RAB2A: variants seen among roughly 807,000 people sequenced by gnomAD.
RAB2A encodes the protein ras-related protein Rab-2A.
In RAB2A, 7 loss-of-function variants were observed where a neutral mutation model predicts 32.5. The ratio of observed to expected loss-of-function variants is 0.22; its 90% confidence interval spans 0.12 to 0.40. The LOEUF is 0.40. Ranked by LOEUF, RAB2A falls within the 10% of genes least tolerant of loss-of-function variation. RAB2A has a pLI of 1.00. For missense variants in RAB2A, 108 were observed against 260.7 expected, an observed-to-expected ratio of 0.41 and a Z score of 4.03; for synonymous variants, 79 against 85.2, an observed-to-expected ratio of 0.93 and a Z score of 0.40.
In RAB2A at chr8:60,621,563, C is replaced by T. The variant is rs1804527001; in HGVS notation, c.*794C>T. ...TAATGAATACTGTTGGGAAAAAACA[C>T]AGTATAATGAGTGAAAAGGGCAGAA... On this transcript the variant is annotated 3_prime_UTR_variant, in exon 8 of 8. Coordinates refer to ENST00000262646, the MANE Select transcript of RAB2A (RefSeq NM_002865.3). 6.6e-6 allele frequency: 1 copy of T among 152,110 alleles called. No homozygotes were observed. The highest frequency in any genetic ancestry group is 6.5e-5 in the Admixed American group (1 of 15,278). 9.4% of individuals were successfully genotyped at this position (152,110 alleles called of 1,614,324 possible).
intron 6 of RAB2A, among the ~76,000 whole-genome samples, chr8:60,618,202 G>A (rs1032675040): frequency 8.5e-5 from 13 of 152,174 alleles, no homozygotes; most frequent in Admixed American, 2.0e-4. Context: ...TACATCCTTT[G>A]TTCTTAATCT....
intron 1 of RAB2A, among the ~76,000 whole-genome samples, chr8:60,519,539 A>G (rs1807269079): frequency 6.6e-6 from 1 of 152,228 alleles, no homozygotes; most frequent in Non-Finnish European, 1.5e-5. Context: ...AGATTTTCAC[A>G]GTATCCTGGC....
intron 3 of RAB2A, among the ~76,000 whole-genome samples, chr8:60,579,905 G>A (rs1429002860): frequency 1.3e-5 from 2 of 152,026 alleles, no homozygotes; most frequent in Non-Finnish European, 2.9e-5. Flanking sequence ...GGGATTACAG[G>A]CGTGAGCCAC....
chr8:60,537,673 CTG>C (rs1324312593), intron 1 of RAB2A, among the ~76,000 whole-genome samples: 1 of 152,102 alleles, frequency 6.6e-6, no homozygotes, highest in Non-Finnish European at 1.5e-5. Flanking sequence ...GTATTTATAA[CTG>C]TTTTCTTTTT....
chr8:60,600,811 A>G (rs1465548425), intron 6 of RAB2A, among the ~76,000 whole-genome samples: 1 of 152,228 alleles, frequency 6.6e-6, no homozygotes, highest in African/African-American at 2.4e-5. Flanking sequence ...GAATCAAGCC[A>G]TTCTCAAAAG....
At chr8:60,620,604 T>G in intron 7 of RAB2A, 70 bp from the exon 8 acceptor site, 1 of 1,114,044 alleles carries the variant, frequency 9.0e-7, no homozygotes, top group Non-Finnish European at 1.3e-6. Context: ...AAGAATTAAA[T>G]GAGTTTTTTA....
intron 1 of RAB2A, among the ~76,000 whole-genome samples, chr8:60,529,356 G>A (rs2130809311): frequency 6.6e-6 from 1 of 152,156 alleles, no homozygotes; most frequent in African/African-American, 2.4e-5. Context: ...ATAGTCTTTT[G>A]TCTACTTCTT....
intron 1 of RAB2A, among the ~76,000 whole-genome samples, chr8:60,518,725 G>A (rs987369201): frequency 4.0e-5 from 6 of 151,744 alleles, no homozygotes; most frequent in Admixed American, 6.6e-5. Flanking sequence ...GTGGAAATTG[G>A]ATTTGTAAAC....
chr8:60,582,930 G>A (rs1450503797), intron 3 of RAB2A, among the ~76,000 whole-genome samples: 1 of 152,012 alleles, frequency 6.6e-6, no homozygotes, highest in Admixed American at 6.6e-5. Flanking sequence ...TTGCATGCGT[G>A]AGCCACCATG....
rs41272425 is a variant in RAB2A, at chr8:60,618,732, A to T, written c.543+84A>T. 2,258 of 473,092 alleles carry T rather than the reference A, an allele frequency of 4.8e-3. 9 individuals are homozygous for T. Among genetic ancestry groups the T allele is most frequent in the Non-Finnish European group, 5.8e-3 (1,961 of 336,916 alleles). 29.3% of individuals were successfully genotyped at this position (473,092 alleles called of 1,614,324 possible). On this transcript the variant is annotated intron_variant, in intron 7 of 7. Coordinates refer to ENST00000262646, the MANE Select transcript of RAB2A (RefSeq NM_002865.3). ...TTTTATATTTTTTATTTTATAATTC[A>T]TTATTTTATAATTTTTTTAATTCCT...
At chr8:60,599,095 A>G (rs1022288382) in intron 6 of RAB2A, among the ~76,000 whole-genome samples, 1 of 152,146 alleles carries the variant, frequency 6.6e-6, no homozygotes, top group African/African-American at 2.4e-5. Flanking sequence ...TGCAGGATAC[A>G]AGGTAGACAT....
chr8:60,522,207 G>A (rs958496865), intron 1 of RAB2A, among the ~76,000 whole-genome samples: 1 of 152,238 alleles, frequency 6.6e-6, no homozygotes, highest in Non-Finnish European at 1.5e-5. Flanking sequence ...AGATCCCAGA[G>A]AGGGAGTGGT....
chr8:60,536,385 T>C (rs1807556393), intron 1 of RAB2A, among the ~76,000 whole-genome samples: 1 of 152,224 alleles, frequency 6.6e-6, no homozygotes, highest in Non-Finnish European at 1.5e-5. Context: ...ATATACGACT[T>C]AGAGATCATG....
intron 2 of RAB2A, among the ~76,000 whole-genome samples, chr8:60,559,435 A>AG (rs1169360445): frequency 1.3e-5 from 2 of 152,242 alleles, no homozygotes; most frequent in African/African-American, 4.8e-5. Context: ...TTATTAACTG[A>AG]GAAAAAATAC....
chr8:60,524,949 T>C (rs1807356275), intron 1 of RAB2A, among the ~76,000 whole-genome samples: 2 of 152,244 alleles, frequency 1.3e-5, no homozygotes, highest in Admixed American at 6.5e-5. Flanking sequence ...CATTGTGGTC[T>C]GTATAGCAGA....
intron 1 of RAB2A, among the ~76,000 whole-genome samples, chr8:60,556,083 T>C (rs1365537295): frequency 1.3e-5 from 2 of 152,206 alleles, no homozygotes. Flanking sequence ...TGCAGGACGT[T>C]ATGTAAAGTG....
chr8:60,609,659 A>G (rs947403398), intron 6 of RAB2A, among the ~76,000 whole-genome samples: 5 of 152,170 alleles, frequency 3.3e-5, no homozygotes, highest in Non-Finnish European at 5.9e-5. Flanking sequence ...ATTTTAAAAC[A>G]TGAGATTTTA....
chr8:60,617,051 T>A (rs1346401114), intron 6 of RAB2A, among the ~76,000 whole-genome samples: 1 of 152,252 alleles, frequency 6.6e-6, no homozygotes, highest in Non-Finnish European at 1.5e-5. Context: ...TAGCTTTCTT[T>A]TATGAATTTT....
intron 1 of RAB2A, 146 bp from the exon 2 acceptor site, chr8:60,558,706 T>G: frequency 1.4e-6 from 1 of 700,846 alleles, no homozygotes; most frequent in South Asian, 1.6e-5. Flanking sequence ...TCCTCTTATT[T>G]TGCAAGAAAT....
Sources: allele counts gnomAD v4.1 joint callset (sites outside exome capture counted in the v4.1 genomes callset), GRCh38; gene constraint gnomAD v4.1.1; transcripts MANE v1.5; gene names NCBI Gene and HGNC (gene_info 2026-07-23, HGNC 2026-07-21).